ACVR2A: variants seen among roughly 807,000 people sequenced by gnomAD.
ACVR2A encodes the protein activin receptor type-2A.
A neutral mutation model predicts 61.4 loss-of-function variants in ACVR2A; 7 were observed. The observed-to-expected ratio is 0.11, with a 90% CI of 0.06 to 0.21. The LOEUF is 0.21. Ranked by LOEUF, ACVR2A falls within the 10% of genes least tolerant of loss-of-function variation. The probability of loss-of-function intolerance (pLI) is 1.00; values close to 1 mark genes in which losing one functional copy is unlikely to be tolerated. For missense variants in ACVR2A, 322 were observed against 621.7 expected (o/e 0.52, Z 5.13); for synonymous variants, 193 against 208.3 (o/e 0.93, Z 0.63).
In ACVR2A at chr2:147,895,439, T is replaced by C. The variant is rs1686705840; in HGVS notation, c.56-862T>C. 1.3e-5 allele frequency among the ~76,000 whole-genome samples: 2 copies of C among 152,276 alleles called. 1 individual carries two copies. The highest frequency in any genetic ancestry group is 4.1e-4 in the South Asian group (2 of 4,826). ...AGTAAAAAGTGATCTCTTGTGGTTC[T>C]AGCATATTTTTCATTGTGTTTAGTG... On this transcript the variant is annotated intron_variant, in intron 1 of 10. Coordinates refer to ENST00000241416, the MANE Select transcript of ACVR2A (RefSeq NM_001616.5).
intron 8 of ACVR2A, among the ~76,000 whole-genome samples, chr2:147,922,649 T>A (rs1409303571): frequency 6.6e-6 from 1 of 151,586 alleles, no homozygotes; most frequent in Non-Finnish European, 1.5e-5. Flanking sequence ...CAAAAAAAGT[T>A]TTTTTTTTAA....
intron 1 of ACVR2A, among the ~76,000 whole-genome samples, chr2:147,864,470 TC>T (rs1685804618): frequency 6.6e-6 from 1 of 152,146 alleles, no homozygotes; most frequent in Admixed American, 6.5e-5. Flanking sequence ...GACCTGGTGA[TC>T]CGCCTACCTT....
rs779198115 is a variant in ACVR2A at position 147,896,195 on chromosome 2, C to T, written c.56-106C>T. 78 of 958,812 alleles carry T rather than the reference C, an allele frequency of 8.1e-5. 1 individual carries two copies. Among genetic ancestry groups the T allele is most frequent in the Admixed American group, 6.0e-4 (24 of 40,062 alleles). The allele number at this position is 958,812 out of a possible 1,614,324, so 59.4% of individuals were successfully genotyped here. A position where few individuals can be genotyped will look rare whatever the true frequency, so the allele number is the denominator to read the frequency against. ...AAACCCAAAGTTATAAGTGGGAAGA[C>T]GGTGAATTACTGACACTTTAGGAAT... On this transcript the variant is annotated intron_variant, in intron 1 of 10. Coordinates refer to ENST00000241416, the MANE Select transcript of ACVR2A (RefSeq NM_001616.5).
At chr2:147,858,646 A>G (rs1190470020) in intron 1 of ACVR2A, among the ~76,000 whole-genome samples, 3 of 152,212 alleles carry the variant, frequency 2.0e-5, no homozygotes, top group African/African-American at 7.2e-5. Flanking sequence ...TGCTTAACAA[A>G]TATTTATCAA....
intron 1 of ACVR2A, among the ~76,000 whole-genome samples, chr2:147,885,667 T>C (rs1266901398): frequency 1.3e-5 from 2 of 152,122 alleles, no homozygotes; most frequent in African/African-American, 2.4e-5. Context: ...TCAGAACAAC[T>C]TAAATGGAAG....
chr2:147,898,124 C>A (rs541245840), intron 2 of ACVR2A: 19 of 152,200 alleles, frequency 1.2e-4, no homozygotes, highest in African/African-American at 4.1e-4. Context: ...TTATTCATTG[C>A]AAATACTTGC....
intron 1 of ACVR2A, among the ~76,000 whole-genome samples, chr2:147,888,298 A>C (rs190597870): frequency 6.6e-6 from 1 of 152,236 alleles, no homozygotes; most frequent in East Asian, 1.9e-4. Flanking sequence ...AAAAGTTTAG[A>C]ATATACTTGT....
intron 1 of ACVR2A, among the ~76,000 whole-genome samples, chr2:147,879,896 C>T (rs1686255639): frequency 6.6e-6 from 1 of 152,200 alleles, no homozygotes; most frequent in Non-Finnish European, 1.5e-5. Flanking sequence ...TCCAGTGATA[C>T]TCACATTCTT....
At position 147,899,493 on chromosome 2, in the gene ACVR2A, T is replaced by C; in HGVS notation, c.299T>C (p.Val100Ala). The C allele has an allele frequency of 6.2e-7, 1 of 1,613,242 alleles. No individual in the cohort carries two copies. Among genetic ancestry groups the C allele is most frequent in the Non-Finnish European group, 8.5e-7 (1 of 1,179,512 alleles). Residue 100 changes from valine (V) to alanine (A), a missense_variant, in exon 3 of 11, where the codon GTA becomes GCA. By Grantham distance (64) the Val-to-Ala change is moderately conservative (BLOSUM62 0). This residue lies in a region of ACVR2A where 142 missense variants were observed against 200.3 expected (regional missense o/e 0.71). Coordinates refer to ENST00000241416, the MANE Select transcript of ACVR2A (RefSeq NM_001616.5). Reference sequence around the variant, plus strand: ...GTAGAAAAAAAAGACAGCCCTGAAGTATATTTTTGTTGCTGTGAGGGCAAT... The same window carrying C: ...GTAGAAAAAAAAGACAGCCCTGAAGCATATTTTTGTTGCTGTGAGGGCAAT... Reference protein sequence around the residue: ...DCVEKKDSPEVYFCCCEGNMC... With the variant: ...DCVEKKDSPEAYFCCCEGNMC...
At chr2:147,857,278 T>G (rs1201371173) in intron 1 of ACVR2A, among the ~76,000 whole-genome samples, 1 of 152,142 alleles carries the variant, frequency 6.6e-6, no homozygotes, top group Non-Finnish European at 1.5e-5. Flanking sequence ...AGAACTGTAG[T>G]TTCTAGTTAG....
chr2:147,861,932 G>C (rs886342376), intron 1 of ACVR2A, among the ~76,000 whole-genome samples: 1 of 146,148 alleles, frequency 6.8e-6, no homozygotes, highest in African/African-American at 2.6e-5. Flanking sequence ...GTGATTTCAT[G>C]TCTGTTTCTG....
In ACVR2A at chr2:147,922,955, T is replaced by C; in HGVS notation, c.1078-18T>C. 6.3e-7 allele frequency: 1 copy of C among 1,596,118 alleles called. No homozygotes were observed. Among genetic ancestry groups the C allele is most frequent in the Non-Finnish European group, 8.5e-7 (1 of 1,174,486 alleles). ...AAGTTAATGAATGAGTACTCTTTGCTTTTAACATCTTTTTCAGGTTGGTAC... is the reference window on the plus strand; with the variant it reads ...AAGTTAATGAATGAGTACTCTTTGCCTTTAACATCTTTTTCAGGTTGGTAC... On this transcript the variant is annotated intron_variant, in intron 8 of 10. Coordinates refer to ENST00000241416, the MANE Select transcript of ACVR2A (RefSeq NM_001616.5).
intron 4 of ACVR2A, among the ~76,000 whole-genome samples, chr2:147,909,012 A>G (rs916559533): frequency 3.9e-5 from 6 of 152,158 alleles, no homozygotes; most frequent in Non-Finnish European, 8.8e-5. Flanking sequence ...ATCTCCATTT[A>G]TATGTCTCCA....
chr2:147,927,068 T>G lies in ACVR2A; in HGVS notation c.1348-12T>G, dbSNP rs1365222333. On this transcript the variant is annotated splice_polypyrimidine_tract_variant and intron_variant, in intron 10 of 10. Coordinates refer to ENST00000241416, the MANE Select transcript of ACVR2A (RefSeq NM_001616.5). Reference sequence around the variant, plus strand: ...TGCTGTGGCGTTTGAGTATATGTTTTTCTCCTTTTAGGGAATGGCAATGCT... The same window carrying G: ...TGCTGTGGCGTTTGAGTATATGTTTGTCTCCTTTTAGGGAATGGCAATGCT... 9.3e-6 allele frequency: 15 copies of G among 1,608,162 alleles called. No homozygotes were observed. The highest frequency in any genetic ancestry group is 1.0e-5 in the Non-Finnish European group (12 of 1,177,518).
chr2:147,865,643 T>C (rs1325944160), intron 1 of ACVR2A, among the ~76,000 whole-genome samples: 1 of 152,214 alleles, frequency 6.6e-6, no homozygotes, highest in Admixed American at 6.5e-5. Flanking sequence ...TGACTAAGTG[T>C]AGGAGATGTC....
At chr2:147,872,907 AAGAT>A (rs1686059170) in intron 1 of ACVR2A, among the ~76,000 whole-genome samples, 1 of 151,894 alleles carries the variant, frequency 6.6e-6, no homozygotes, top group Admixed American at 6.6e-5. Flanking sequence ...TTCCAAGTAC[AAGAT>A]AGGACTGTTT....
intron 1 of ACVR2A, among the ~76,000 whole-genome samples, chr2:147,882,444 G>T (rs1011847757): frequency 2.0e-5 from 3 of 152,158 alleles, no homozygotes; most frequent in Non-Finnish European, 4.4e-5. Context: ...CCAGCCACTT[G>T]GGAGTTTGAG....
chr2:147,911,956 T>A (rs765683945), intron 4 of ACVR2A, among the ~76,000 whole-genome samples: 2 of 152,078 alleles, frequency 1.3e-5, no homozygotes, highest in Non-Finnish European at 1.5e-5. Flanking sequence ...CAGCCCATTG[T>A]ATTTAAATGT....
intron 1 of ACVR2A, among the ~76,000 whole-genome samples, chr2:147,894,185 T>C (rs577633688): frequency 6.6e-6 from 1 of 152,262 alleles, no homozygotes; most frequent in South Asian, 2.1e-4. Context: ...CATTTATATG[T>C]GGGTCTATTT....
Sources: allele counts gnomAD v4.1 joint callset (sites outside exome capture counted in the v4.1 genomes callset), GRCh38; gene constraint gnomAD v4.1.1; regional missense constraint gnomAD v4.1.1; transcripts MANE v1.5; gene names NCBI Gene and HGNC (gene_info 2026-07-23, HGNC 2026-07-21).